The following ANO6 variants were observed in gnomAD, a reference collection of about 807,000 sequenced individuals.
ANO6 encodes the protein anoctamin 6.
Under a neutral mutation model 117.5 loss-of-function variants are expected in ANO6, and 106 were observed. That is an observed-to-expected ratio of 0.90 (90% CI 0.77 to 1.06). ANO6 has a LOEUF of 1.06. Ranked by LOEUF, ANO6 falls within the 50% of genes least tolerant of loss-of-function variation. The pLI, the probability that ANO6 is intolerant of heterozygous loss-of-function variation, is 0.00. For missense variants in ANO6, 955 were observed against 1,121.1 expected (o/e 0.85, Z 2.12); for synonymous variants, 367 against 385.1 (o/e 0.95, Z 0.55).
chr12:45,271,037 C>G (rs528353578), intron 1 of ANO6, among the ~76,000 whole-genome samples: 1 of 152,230 alleles, frequency 6.6e-6, no homozygotes, highest in Admixed American at 6.5e-5. Flanking sequence ...TTATTTCTTA[C>G]CTGTCTATGG....
chr12:45,266,843 T>TGTGTGTGC (rs58564616), intron 1 of ANO6, among the ~76,000 whole-genome samples: 1 of 147,476 alleles, frequency 6.8e-6, no homozygotes, highest in East Asian at 2.0e-4. Flanking sequence ...TGTGTGTGTG[T>TGTGTGTGC]ATAATATGGC....
Position 45,252,988 on chromosome 12 carries a change from C to T in ANO6, c.70+36597C>T, listed in dbSNP as rs568196014. Among the ~76,000 whole-genome samples the T allele has an allele frequency of 2.4e-4, 37 of 152,242 alleles. No individual in the cohort carries two copies. The South Asian group carries it at 7.7e-3, about 32-fold the overall frequency. On this transcript the variant is annotated intron_variant, in intron 1 of 19. Coordinates refer to ENST00000320560, the MANE Select transcript of ANO6 (RefSeq NM_001025356.3). ...TGTGGATATCTTTCTTTTGAGACTTCCTTGGGGACAGAAATCATCACTGAA... is the reference window on the plus strand; with the variant it reads ...TGTGGATATCTTTCTTTTGAGACTTTCTTGGGGACAGAAATCATCACTGAA...
In ANO6 at chr12:45,293,729, G is replaced by GTTTTTTTTTTT. The variant is rs138396024; in HGVS notation, c.71-8268_71-8258dup. 2.9e-3 allele frequency among the ~76,000 whole-genome samples: 140 copies of GTTTTTTTTTTT among 48,396 alleles called. 1 individual carries two copies. The highest frequency in any genetic ancestry group is 3.8e-3 in the Non-Finnish European group (104 of 27,660). 31.7% of individuals were successfully genotyped at this position (48,396 alleles called of 152,430 possible). On this transcript the variant is annotated intron_variant, in intron 1 of 19. Coordinates refer to ENST00000320560, the MANE Select transcript of ANO6 (RefSeq NM_001025356.3). The stretch of plus-strand genomic sequence containing the variant: ...GTGCCTGCCACCATGCCTGGCTAAT[G>GTTTTTTTTTTT]TTTTTTTTTTTTTTTTTTTTTTTTT...
chr12:45,311,945 ATAT>A (rs1939863137), intron 2 of ANO6, among the ~76,000 whole-genome samples: 1 of 152,044 alleles, frequency 6.6e-6, no homozygotes, highest in Non-Finnish European at 1.5e-5. Context: ...CTCATTTAAC[ATAT>A]TATTAGCAGC....
intron 7 of ANO6, 108 bp downstream of exon 7, chr12:45,350,882 C>T (rs889950060): frequency 3.2e-6 from 3 of 946,422 alleles, no homozygotes; most frequent in South Asian, 2.8e-5. Flanking sequence ...AGGGAGCTGA[C>T]CCAGAGTGCT....
rs998607342 is a variant in ANO6, at chr12:45,216,461, C to CG, written c.70+75dup. On this transcript the variant is annotated intron_variant, in intron 1 of 19. Coordinates refer to ENST00000320560, the MANE Select transcript of ANO6 (RefSeq NM_001025356.3). Reference sequence around the variant, plus strand: ...CGCGGGAAGAAGTTCGGGGACTGCGCGGGGGCGCTGTGCTCTCCGCGGGGG... The same window carrying CG: ...CGCGGGAAGAAGTTCGGGGACTGCGCGGGGGGCGCTGTGCTCTCCGCGGGGG... 2.5e-5 allele frequency: 39 copies of CG among 1,543,378 alleles called. No homozygotes were observed. The African/African-American group carries it at 4.8e-4, about 19-fold the overall frequency.
rs1565777096 is a variant in ANO6, at chr12:45,429,088, C to A, written c.2527-17C>A. 1.9e-6 allele frequency: 3 copies of A among 1,611,804 alleles called. No homozygotes were observed. Among genetic ancestry groups the A allele is most frequent in the Admixed American group, 3.3e-5 (2 of 59,942 alleles). On this transcript the variant is annotated splice_polypyrimidine_tract_variant and intron_variant, in intron 19 of 19. Coordinates refer to ENST00000320560, the MANE Select transcript of ANO6 (RefSeq NM_001025356.3). ...CCATTTCTTTGTGAGTGACATTTTT[C>A]TTCTTCTCTTCCCCAGCACGTCATC...
intron 2 of ANO6, among the ~76,000 whole-genome samples, chr12:45,315,178 T>C (rs1281865652): frequency 6.6e-6 from 1 of 152,078 alleles, no homozygotes; most frequent in Non-Finnish European, 1.5e-5. Flanking sequence ...CACACATGGG[T>C]ATGGAGACAA....
chr12:45,238,062 A>G lies in ANO6; in HGVS notation c.70+21671A>G, dbSNP rs188683138. Among the ~76,000 whole-genome samples the G allele has an allele frequency of 7.7e-3, 1,171 of 151,914 alleles. 4 individuals carry two copies. Among genetic ancestry groups the G allele is most frequent in the Non-Finnish European group, 0.012 (839 of 67,954 alleles). ...ATAGGAATGCTTGTGATTTTTGCAC[A>G]TTGATTTTGTATCCTGAGACTTTGC... On this transcript the variant is annotated intron_variant, in intron 1 of 19. Coordinates refer to ENST00000320560, the MANE Select transcript of ANO6 (RefSeq NM_001025356.3).
intron 2 of ANO6, among the ~76,000 whole-genome samples, chr12:45,322,712 A>C (rs1940321829): frequency 1.3e-5 from 2 of 152,152 alleles, no homozygotes; most frequent in African/African-American, 4.8e-5. Context: ...TTGAAAGCTA[A>C]AGTAACTGCC....
intron 17 of ANO6, among the ~76,000 whole-genome samples, chr12:45,418,272 A>T (rs925721710): frequency 6.6e-6 from 1 of 152,348 alleles, no homozygotes; most frequent in South Asian, 2.1e-4. Flanking sequence ...CCGTACATTT[A>T]TCTGAATTGC....
intron 9 of ANO6, among the ~76,000 whole-genome samples, chr12:45,371,152 C>T (rs571217055): frequency 7.9e-5 from 12 of 152,278 alleles, no homozygotes; most frequent in East Asian, 5.8e-4. Context: ...GCTTTTCTGA[C>T]GGGCTTAAAA....
Position 45,332,293 on chromosome 12 carries a change from TTC to T in ANO6, c.279+887_279+888del, listed in dbSNP as rs375083537. Among the ~76,000 whole-genome samples, 733 of 148,782 alleles carry T rather than the reference TTC, an allele frequency of 4.9e-3. 3 individuals carry two copies. Among genetic ancestry groups the T allele is most frequent in the South Asian group, 0.023 (109 of 4,642 alleles). On this transcript the variant is annotated intron_variant, in intron 3 of 19. Transcript: ENST00000320560. The stretch of plus-strand genomic sequence containing the variant: ...TGTGTGCTCTCTCCCTCTCTCTCTG[TTC>T]TCTCTCTCTCTCTCTCACACACACA...
intron 1 of ANO6, among the ~76,000 whole-genome samples, chr12:45,249,442 G>T (rs1476637279): frequency 6.6e-6 from 1 of 152,110 alleles, no homozygotes; most frequent in Non-Finnish European, 1.5e-5. Context: ...GTTTATAAAG[G>T]TTTATAAATT....
chr12:45,423,855 G>T (rs11183023), intron 19 of ANO6, among the ~76,000 whole-genome samples: 8,315 of 152,224 alleles, frequency 0.055, 457 homozygotes, highest in East Asian at 0.32. Flanking sequence ...TTTGCCAGAA[G>T]CCCCTACAGT....
intron 1 of ANO6, among the ~76,000 whole-genome samples, chr12:45,230,345 T>C (rs1947556313): frequency 6.6e-6 from 1 of 151,906 alleles, no homozygotes; most frequent in South Asian, 2.1e-4. Flanking sequence ...CTTTGGGGCC[T>C]TGGTTTCCAT....
chr12:45,401,747 G>A, intron 12 of ANO6, 48 bp from the exon 13 acceptor site: 2 of 1,448,252 alleles, frequency 1.4e-6, no homozygotes, highest in Non-Finnish European at 1.9e-6. Flanking sequence ...AATAGTACAA[G>A]TGCAGTTATT....
chr12:45,281,962 A>G (rs147525257), intron 1 of ANO6, among the ~76,000 whole-genome samples: 5,782 of 152,234 alleles, frequency 0.038, 175 homozygotes, highest in Middle Eastern at 0.075. Context: ...TAACAGATGC[A>G]AGGGGCTTGG....
chr12:45,284,256 G>A (rs1242499199), intron 1 of ANO6, among the ~76,000 whole-genome samples: 1 of 152,180 alleles, frequency 6.6e-6, no homozygotes, highest in Admixed American at 6.5e-5. Flanking sequence ...TTCTTTCTGG[G>A]TAAGACTCTC....
Sources: gnomAD v4.1 joint callset for allele counts (sites outside exome capture counted in the v4.1 genomes callset) on GRCh38, gnomAD v4.1.1 for gene constraint, MANE v1.5 for transcripts, NCBI Gene and HGNC (gene_info 2026-07-23, HGNC 2026-07-21) for gene names.